Variants in NLGN1 observed in about 807,000 individuals in gnomAD.
NLGN1 encodes neuroligin-1.
Under a neutral mutation model 65.5 loss-of-function variants are expected in NLGN1, and 12 were observed. The observed-to-expected ratio is 0.18, with a 90% CI of 0.12 to 0.30. The LOEUF is 0.30. Ranked by LOEUF, NLGN1 falls within the 10% of genes least tolerant of loss-of-function variation. The pLI, the probability that NLGN1 is intolerant of heterozygous loss-of-function variation, is 1.00. For missense variants in NLGN1, 750 were observed against 1,007.1 expected, an observed-to-expected ratio of 0.74 and a Z score of 3.46; for synonymous variants, 350 against 359.5, an observed-to-expected ratio of 0.97 and a Z score of 0.30.
chr3:173,549,762 T>G (rs1740527726), intron 2 of NLGN1, among the ~76,000 whole-genome samples: 1 of 152,072 alleles, frequency 6.6e-6, no homozygotes, highest in Admixed American at 6.6e-5. Flanking sequence ...GCTGACAACA[T>G]TAACCCTTAG....
Position 174,281,325 on chromosome 3 carries a change from T to C in NLGN1, c.*22T>C. On this transcript the variant is annotated 3_prime_UTR_variant, in exon 7 of 7. Transcript: ENST00000457714. Reference sequence around the variant, plus strand: ...ATAGCCAGATAAGAGAAACAAACTATTTTTTTTGATGGATTGCAGTAAACG... The same window carrying C: ...ATAGCCAGATAAGAGAAACAAACTACTTTTTTTGATGGATTGCAGTAAACG... The C allele has an allele frequency of 2.2e-6, 3 of 1,379,398 alleles. No individual in the cohort carries two copies. In the African/African-American group the frequency reaches 4.3e-5, roughly 20 times the overall value. The allele number at this position is 1,379,398 out of a possible 1,614,324, so 85.4% of individuals were successfully genotyped here. A position where few individuals can be genotyped will look rare whatever the true frequency, so the allele number is the denominator to read the frequency against.
At chr3:174,006,930 T>C (rs1275815158) in intron 4 of NLGN1, among the ~76,000 whole-genome samples, 1 of 151,820 alleles carries the variant, frequency 6.6e-6, no homozygotes. Flanking sequence ...TAGCTGAGGG[T>C]GGTGGCAGGT....
At chr3:173,650,337 T>C (rs1758962568) in intron 3 of NLGN1, among the ~76,000 whole-genome samples, 1 of 152,170 alleles carries the variant, frequency 6.6e-6, no homozygotes. Context: ...TAGATAAATA[T>C]GAATGTAGAT....
At chr3:173,943,983 C>G (rs1390536960) in intron 4 of NLGN1, among the ~76,000 whole-genome samples, 1 of 152,058 alleles carries the variant, frequency 6.6e-6, no homozygotes, top group Non-Finnish European at 1.5e-5. Flanking sequence ...ACAAGAAATG[C>G]AGATAATGAG....
chr3:173,585,377 C>T (rs1210039087), intron 2 of NLGN1, among the ~76,000 whole-genome samples: 1 of 152,076 alleles, frequency 6.6e-6, no homozygotes, highest in Admixed American at 6.5e-5. Context: ...CGGAAAAGCC[C>T]AAGTAGAAAT....
intron 4 of NLGN1, among the ~76,000 whole-genome samples, chr3:173,821,549 A>G (rs1242738457): frequency 3.9e-5 from 6 of 152,294 alleles, no homozygotes; most frequent in African/African-American, 1.4e-4. Flanking sequence ...AAAATATACC[A>G]CAATTTTATC....
At chr3:173,860,390 TA>T (rs1425234329) in intron 4 of NLGN1, among the ~76,000 whole-genome samples, 1 of 152,188 alleles carries the variant, frequency 6.6e-6, no homozygotes, top group African/African-American at 2.4e-5. Flanking sequence ...TTTCTAATTT[TA>T]CTGATTTTTT....
intron 2 of NLGN1, among the ~76,000 whole-genome samples, chr3:173,502,070 G>C (rs575361104): frequency 1.3e-5 from 2 of 152,174 alleles, no homozygotes; most frequent in South Asian, 4.2e-4. Context: ...AAACACTTAT[G>C]ACTCTGTATG....
At chr3:173,608,190 A>G (rs1161783118) in intron 3 of NLGN1, among the ~76,000 whole-genome samples, 1 of 151,928 alleles carries the variant, frequency 6.6e-6, no homozygotes, top group Non-Finnish European at 1.5e-5. Flanking sequence ...TCCTGCAATT[A>G]AAGAAAAAAG....
intron 2 of NLGN1, among the ~76,000 whole-genome samples, chr3:173,583,700 G>C (rs113642333): frequency 0.011 from 1,696 of 152,260 alleles, 38 homozygotes; most frequent in African/African-American, 0.039. Flanking sequence ...GAGCCTGTCG[G>C]AAATGCTAGG....
intron 4 of NLGN1, among the ~76,000 whole-genome samples, chr3:174,024,415 C>T (rs945646146): frequency 2.6e-5 from 4 of 152,032 alleles, no homozygotes; most frequent in African/African-American, 9.7e-5. Context: ...AGGTTATCTG[C>T]TATGTCGAAT....
chr3:174,075,986 C>T (rs1740826335), intron 4 of NLGN1, among the ~76,000 whole-genome samples: 1 of 152,106 alleles, frequency 6.6e-6, no homozygotes, highest in South Asian at 2.1e-4. Flanking sequence ...AACTAGGCGA[C>T]ATCACTTTAT....
At chr3:173,828,362 T>C (rs1721785876) in intron 4 of NLGN1, among the ~76,000 whole-genome samples, 1 of 152,080 alleles carries the variant, frequency 6.6e-6, no homozygotes, top group African/African-American at 2.4e-5. Flanking sequence ...CTGGGAAGTA[T>C]ATATCCAGGA....
chr3:173,586,969 A>G (rs935154845), intron 2 of NLGN1, among the ~76,000 whole-genome samples: 2 of 152,232 alleles, frequency 1.3e-5, no homozygotes, highest in Non-Finnish European at 2.9e-5. Flanking sequence ...TGGTAATAGC[A>G]AATAAGTAAT....
In NLGN1 at chr3:173,679,024, A is replaced by G. The variant is rs188665201; in HGVS notation, c.493+73933A>G. Reference sequence around the variant, plus strand: ...GGAATTAGATGAGTTTGGTTTAGGTATGTTATTGAGTTTGAGGACACTCAG... The same window carrying G: ...GGAATTAGATGAGTTTGGTTTAGGTGTGTTATTGAGTTTGAGGACACTCAG... On this transcript the variant is annotated intron_variant, in intron 3 of 6. Coordinates refer to ENST00000457714, the Ensembl canonical transcript of NLGN1. 1.3e-3 allele frequency among the ~76,000 whole-genome samples: 204 copies of G among 152,014 alleles called. 1 individual carries two copies. The highest frequency in any genetic ancestry group is 4.5e-3 in the African/African-American group (186 of 41,492).
Position 173,982,269 on chromosome 3 carries a change from T to C in NLGN1, c.646+174437T>C, listed in dbSNP as rs141719356. Among the ~76,000 whole-genome samples, 25 of 152,236 alleles carry C rather than the reference T, an allele frequency of 1.6e-4. No homozygotes were observed. The East Asian group carries it at 4.8e-3, about 29-fold the overall frequency. On this transcript the variant is annotated intron_variant, in intron 4 of 6. Coordinates refer to ENST00000457714, the Ensembl canonical transcript of NLGN1. Reference sequence around the variant, plus strand: ...GTTTCTGAGGATTAAAAGAAAATACTTAATTCTGTTGAGAAACATACCAGG... The same window carrying C: ...GTTTCTGAGGATTAAAAGAAAATACCTAATTCTGTTGAGAAACATACCAGG...
At chr3:173,457,156 A>G (rs539645242) in intron 2 of NLGN1, among the ~76,000 whole-genome samples, 2 of 152,118 alleles carry the variant, frequency 1.3e-5, no homozygotes, top group Non-Finnish European at 2.9e-5. Flanking sequence ...GTTGAGGAGG[A>G]CATTAGGCAC....
At chr3:173,703,741 A>G (rs1767608015) in intron 3 of NLGN1, among the ~76,000 whole-genome samples, 1 of 152,226 alleles carries the variant, frequency 6.6e-6, no homozygotes. Flanking sequence ...TAAGTAGCAC[A>G]AGGTCTTTCA....
chr3:173,506,102 T>A (rs1354066967), intron 2 of NLGN1, among the ~76,000 whole-genome samples: 1 of 152,106 alleles, frequency 6.6e-6, no homozygotes, highest in Non-Finnish European at 1.5e-5. Flanking sequence ...ACCTTGAACC[T>A]TGACCATATT....
Sources: gnomAD v4.1 joint callset for allele counts (sites outside exome capture counted in the v4.1 genomes callset) on GRCh38, gnomAD v4.1.1 for gene constraint, MANE v1.5 for transcripts, NCBI Gene and HGNC (gene_info 2026-07-23, HGNC 2026-07-21) for gene names.